Variants in STK32B observed in about 807,000 individuals in gnomAD.
STK32B encodes serine/threonine kinase 32B, also known as serine/threonine-protein kinase 32B.
A neutral mutation model predicts 52.6 loss-of-function variants in STK32B; 43 were observed. The ratio of observed to expected loss-of-function variants is 0.82; its 90% CI spans 0.64 to 1.05. STK32B has a LOEUF of 1.05. STK32B is among the 50% of genes least tolerant of loss of function. The probability of loss-of-function intolerance (pLI) is 0.00; values close to 1 mark genes in which losing one functional copy is unlikely to be tolerated. For synonymous variants in STK32B, 238 were observed against 204.3 expected (o/e 1.17, Z -1.41); for missense variants, 621 against 534.6 (o/e 1.16, Z -1.59).
intron 1 of STK32B, among the ~76,000 whole-genome samples, chr4:5,085,427 T>C (rs905781969): frequency 6.6e-6 from 1 of 152,230 alleles, no homozygotes; most frequent in Non-Finnish European, 1.5e-5. Context: ...TAACTTTATT[T>C]AAGGTTAATG....
chr4:5,087,078 C>T (rs749105492), intron 1 of STK32B, among the ~76,000 whole-genome samples: 1 of 152,016 alleles, frequency 6.6e-6, no homozygotes, highest in Non-Finnish European at 1.5e-5. Context: ...TCTTTTTATT[C>T]CATGTGTTTT....
chr4:5,295,705 C>A (rs970395256), intron 3 of STK32B, among the ~76,000 whole-genome samples: 1 of 151,920 alleles, frequency 6.6e-6, no homozygotes, highest in Non-Finnish European at 1.5e-5. Flanking sequence ...TTTTGTTAAT[C>A]TTTTCAAAAA....
chr4:5,486,824 T>G (rs565760538), intron 11 of STK32B, among the ~76,000 whole-genome samples: 1 of 152,226 alleles, frequency 6.6e-6, no homozygotes, highest in African/African-American at 2.4e-5. Flanking sequence ...TCTTTAAGTA[T>G]GTCCAAAGAA....
intron 4 of STK32B, among the ~76,000 whole-genome samples, chr4:5,381,884 A>C (rs939560663): frequency 2.0e-5 from 3 of 152,100 alleles, no homozygotes; most frequent in African/African-American, 7.2e-5. Context: ...TGAAGGAGGG[A>C]GGGAAGGAAG....
intron 6 of STK32B, among the ~76,000 whole-genome samples, chr4:5,439,628 T>G (rs924492970): frequency 1.6e-4 from 24 of 152,190 alleles, no homozygotes; most frequent in African/African-American, 5.5e-4. Context: ...TTTGTCAATT[T>G]TGGCTTTTGT....
At chr4:5,038,027 A>G in the STK32B span, among the ~76,000 whole-genome samples, 3 of 152,172 alleles carry the variant, frequency 2.0e-5, no homozygotes, top group Admixed American at 6.5e-5. Flanking sequence ...ACCCTTGGCT[A>G]AGAAAATGCC....
At chr4:5,176,376 C>G (rs1040424787) in intron 3 of STK32B, among the ~76,000 whole-genome samples, 1 of 151,684 alleles carries the variant, frequency 6.6e-6, no homozygotes, top group African/African-American at 2.4e-5. Context: ...CAGAAATCAC[C>G]GGTCTTCTGC....
At chr4:5,387,827 C>A (rs1485907714) in intron 4 of STK32B, among the ~76,000 whole-genome samples, 6 of 152,206 alleles carry the variant, frequency 3.9e-5, no homozygotes, top group African/African-American at 1.4e-4. Context: ...TCACCGCAAC[C>A]TCCGCCTCCT....
In STK32B at chr4:5,499,148, T is replaced by G. The variant is rs1720542512; in HGVS notation, c.*65T>G. Reference sequence around the variant, plus strand: ...CTGCCCTGCCCACCCAGAGCCCCTCTTTGTGCCCTGATGGTCCCTGTCTCA... The same window carrying G: ...CTGCCCTGCCCACCCAGAGCCCCTCGTTGTGCCCTGATGGTCCCTGTCTCA... On this transcript the variant is annotated 3_prime_UTR_variant, in exon 12 of 12. Transcript: ENST00000282908. 20 of 1,517,104 alleles carry G rather than the reference T, an allele frequency of 1.3e-5. No individual in the cohort carries two copies. The highest frequency in any genetic ancestry group is 1.8e-5 in the Non-Finnish European group (20 of 1,126,052). The allele number at this position is 1,517,104 out of a possible 1,614,324, so 94.0% of individuals were successfully genotyped here. A position where few individuals can be genotyped will look rare whatever the true frequency, so the allele number is the denominator to read the frequency against.
intron 1 of STK32B, among the ~76,000 whole-genome samples, chr4:5,086,758 C>T (rs1712753949): frequency 6.6e-6 from 1 of 152,112 alleles, no homozygotes; most frequent in African/African-American, 2.4e-5. Flanking sequence ...TCCCATCAAA[C>T]TCTGTGGAGG....
intron 4 of STK32B, among the ~76,000 whole-genome samples, chr4:5,375,605 A>G (rs1208595393): frequency 6.6e-6 from 1 of 152,160 alleles, no homozygotes; most frequent in Non-Finnish European, 1.5e-5. Context: ...TAAGAACACA[A>G]TATCTTCTCC....
intron 3 of STK32B, among the ~76,000 whole-genome samples, chr4:5,261,966 C>A (rs1231175007): frequency 6.6e-6 from 1 of 152,182 alleles, no homozygotes; most frequent in South Asian, 2.1e-4. Flanking sequence ...CAGCAGCCAA[C>A]AATTACTGGT....
intron 11 of STK32B, among the ~76,000 whole-genome samples, chr4:5,488,770 C>G (rs895474540): frequency 5.9e-5 from 9 of 152,154 alleles, no homozygotes; most frequent in African/African-American, 1.9e-4. Context: ...ATATCTATAA[C>G]TTTCTTCACA....
At chr4:5,363,509 G>A (rs538429082) in intron 4 of STK32B, among the ~76,000 whole-genome samples, 4 of 152,134 alleles carry the variant, frequency 2.6e-5, no homozygotes, top group African/African-American at 4.8e-5. Context: ...TCCAGACTTG[G>A]TGCCAGGTTC....
chr4:5,028,787 G>T, the STK32B span, among the ~76,000 whole-genome samples: 1 of 152,136 alleles, frequency 6.6e-6, no homozygotes, highest in African/African-American at 2.4e-5. Context: ...CCCTGTATTA[G>T]TTCACTCTCA....
chr4:5,091,552 A>G (rs1713080548), intron 1 of STK32B, among the ~76,000 whole-genome samples: 1 of 152,200 alleles, frequency 6.6e-6, no homozygotes, highest in African/African-American at 2.4e-5. Flanking sequence ...ATAGGATGGA[A>G]TAATAAAACA....
chr4:5,394,397 G>A lies in STK32B; in HGVS notation c.435-3810G>A, dbSNP rs1278046147. ...GGATGACGCGCTGGAGCTGAGATAC[G>A]ATCAATGTGAAAAATAGAGCTGGAG... On this transcript the variant is annotated intron_variant, in intron 4 of 11. Coordinates refer to ENST00000282908, the MANE Select transcript of STK32B (RefSeq NM_018401.3). This position sits in a 1 kb window ranked among gnomAD's most constrained non-coding sequence, Gnocchi z 4.2. 6.6e-6 allele frequency among the ~76,000 whole-genome samples: 1 copy of A among 152,162 alleles called. No homozygotes were observed. Among genetic ancestry groups the A allele is most frequent in the African/African-American group, 2.4e-5 (1 of 41,434 alleles).
At chr4:5,262,780 A>G (rs1482278954) in intron 3 of STK32B, among the ~76,000 whole-genome samples, 3 of 152,190 alleles carry the variant, frequency 2.0e-5, no homozygotes, top group Non-Finnish European at 4.4e-5. Context: ...CTGGCAGGAA[A>G]GACACCATTA....
intron 6 of STK32B, among the ~76,000 whole-genome samples, chr4:5,427,959 T>C (rs1713239684): frequency 6.6e-6 from 1 of 151,908 alleles, no homozygotes; most frequent in South Asian, 2.1e-4. Context: ...TAATTTATTC[T>C]TCTTATTCTA....
Sources: gnomAD v4.1 joint callset for allele counts (sites outside exome capture counted in the v4.1 genomes callset) on GRCh38, gnomAD v4.1.1 for gene constraint, Gnocchi (gnomAD v3.1) non-coding constraint, MANE v1.5 for transcripts, NCBI Gene and HGNC (gene_info 2026-07-23, HGNC 2026-07-21) for gene names.